MSI2: variants seen among roughly 807,000 people sequenced by gnomAD.
MSI2 encodes musashi RNA binding protein 2, also known as RNA-binding protein Musashi homolog 2.
In MSI2, 17 loss-of-function variants were observed where a neutral mutation model predicts 45.6. The observed-to-expected ratio is 0.37, with a 90% CI of 0.26 to 0.56. The LOEUF is 0.56. Ranked by LOEUF, MSI2 falls within the 20% of genes least tolerant of loss-of-function variation. The pLI is 0.77. For missense variants in MSI2, 293 were observed against 444.2 expected (o/e 0.66, Z 3.06); for synonymous variants, 156 against 158.2 (o/e 0.99, Z 0.11).
At chr17:57,584,515 A>G (rs540407058) in intron 7 of MSI2, among the ~76,000 whole-genome samples, 6 of 152,334 alleles carry the variant, frequency 3.9e-5, no homozygotes, top group African/African-American at 1.4e-4. Context: ...GCACCCAGCC[A>G]GGGCTCTGTC....
intron 7 of MSI2, among the ~76,000 whole-genome samples, chr17:57,565,372 T>C (rs2087703751): frequency 6.6e-6 from 1 of 152,196 alleles, no homozygotes; most frequent in Non-Finnish European, 1.5e-5. Flanking sequence ...CTGCCTGTAG[T>C]TTCTCAGTGC....
intron 7 of MSI2, among the ~76,000 whole-genome samples, chr17:57,548,933 C>G (rs2087239469): frequency 7.4e-6 from 1 of 135,002 alleles, no homozygotes; most frequent in Non-Finnish European, 1.6e-5. Flanking sequence ...AAAATCATCT[C>G]CCACTGAAAA....
chr17:57,671,142 A>G (rs1457435969), intron 11 of MSI2, among the ~76,000 whole-genome samples: 1 of 152,146 alleles, frequency 6.6e-6, no homozygotes, highest in Non-Finnish European at 1.5e-5. Flanking sequence ...GGAACCTGCC[A>G]TGGATGCTGC....
chr17:57,448,534 C>A (rs1272952124), intron 6 of MSI2: 1 of 152,236 alleles, frequency 6.6e-6, no homozygotes, highest in East Asian at 1.9e-4. Flanking sequence ...GCGTGGATTC[C>A]TGCTGTCCAG....
At chr17:57,332,795 G>A (rs1914375518) in intron 5 of MSI2, among the ~76,000 whole-genome samples, 1 of 152,220 alleles carries the variant, frequency 6.6e-6, no homozygotes, top group East Asian at 1.9e-4. Flanking sequence ...GGAGGCCAAG[G>A]CGGGTGGATC....
At position 57,386,297 on chromosome 17, in the gene MSI2, C is replaced by T. The variant is rs74414320; in HGVS notation, c.313-15082C>T. On this transcript the variant is annotated intron_variant, in intron 5 of 13. Transcript: ENST00000284073. ...AGTGGCTGCTGAACAGAACTTTGGC[C>T]AGCTGTTCTTCGTAGGAACAAAGCC... is the stretch of plus-strand genomic sequence containing the variant. Among the ~76,000 whole-genome samples the T allele has an allele frequency of 5.6e-4, 85 of 152,234 alleles. 1 individual carries two copies. The East Asian group carries it at 0.016, about 29-fold the overall frequency.
At chr17:57,391,704 C>T (rs940796189) in intron 5 of MSI2, among the ~76,000 whole-genome samples, 2 of 152,162 alleles carry the variant, frequency 1.3e-5, no homozygotes, top group African/African-American at 4.8e-5. Flanking sequence ...ACCAACCCCA[C>T]CATCCTGTCT....
chr17:57,283,885 G>T (rs1909637564), intron 5 of MSI2, among the ~76,000 whole-genome samples: 1 of 152,216 alleles, frequency 6.6e-6, no homozygotes. Context: ...GGACGCATGG[G>T]AAGCACTCAC....
At chr17:57,256,262 T>G (rs1390965688), upstream of MSI2, among the ~76,000 whole-genome samples, 1 of 151,212 alleles carries the variant, frequency 6.6e-6, no homozygotes, top group Non-Finnish European at 1.5e-5. Flanking sequence ...CCCTGCGCCC[T>G]GCCGGCCCGG....
intron 7 of MSI2, among the ~76,000 whole-genome samples, chr17:57,535,483 G>A (rs1301518008): frequency 6.6e-6 from 1 of 152,260 alleles, no homozygotes; most frequent in Admixed American, 6.5e-5. Context: ...ATTGCCAGAG[G>A]CAAAGGAACA....
intron 6 of MSI2, among the ~76,000 whole-genome samples, chr17:57,516,514 T>A (rs2086473120): frequency 6.6e-6 from 1 of 152,196 alleles, no homozygotes; most frequent in African/African-American, 2.4e-5. Context: ...ACCTCACTCA[T>A]CCGTACTGAT....
In MSI2 at chr17:57,511,071, T is replaced by C. The variant is rs569673648; in HGVS notation, c.406-18605T>C. On this transcript the variant is annotated intron_variant, in intron 6 of 13. Transcript: ENST00000284073. Reference sequence around the variant, plus strand: ...GTCAGTCTTGACCCTTTGGAGGAGGTCACCACCACATCCAGGCAGGGACAG... The same window carrying C: ...GTCAGTCTTGACCCTTTGGAGGAGGCCACCACCACATCCAGGCAGGGACAG... 1.9e-3 allele frequency among the ~76,000 whole-genome samples: 291 copies of C among 152,100 alleles called. 1 individual carries two copies. The highest frequency in any genetic ancestry group is 3.3e-3 in the Non-Finnish European group (226 of 67,992).
chr17:57,412,028 T>G (rs1029918230), intron 6 of MSI2, among the ~76,000 whole-genome samples: 7 of 151,300 alleles, frequency 4.6e-5, no homozygotes, highest in African/African-American at 1.7e-4. Flanking sequence ...GGGGGAAGAA[T>G]TACTATGGTA....
At chr17:57,432,034 C>T (rs182941189) in intron 6 of MSI2, among the ~76,000 whole-genome samples, 20 of 152,324 alleles carry the variant, frequency 1.3e-4, no homozygotes, top group Non-Finnish European at 1.5e-5. Context: ...CTCCCCTCAA[C>T]ACGTTCAGCC....
chr17:57,564,617 A>G (rs2087683512), intron 7 of MSI2, among the ~76,000 whole-genome samples: 1 of 152,188 alleles, frequency 6.6e-6, no homozygotes, highest in Non-Finnish European at 1.5e-5. Flanking sequence ...CAGCCCTAAT[A>G]GGAGACTATT....
chr17:57,434,781 AT>A (rs60454598), intron 6 of MSI2, among the ~76,000 whole-genome samples: 33,429 of 150,588 alleles, frequency 0.22, 4,013 homozygotes, highest in South Asian at 0.3. Flanking sequence ...TATACACCAC[AT>A]TTTTTTTTTA....
intron 5 of MSI2, among the ~76,000 whole-genome samples, chr17:57,334,207 A>G (rs1397782844): frequency 2.0e-5 from 3 of 152,212 alleles, no homozygotes; most frequent in African/African-American, 7.2e-5. Context: ...AGGTTTAGAA[A>G]AAGCCCCCTC....
At chr17:57,337,592 T>C (rs1187702256) in intron 5 of MSI2, among the ~76,000 whole-genome samples, 6 of 152,150 alleles carry the variant, frequency 3.9e-5, no homozygotes, top group African/African-American at 1.4e-4. Flanking sequence ...CTGTCGTGTT[T>C]ACCACCTTGG....
intron 6 of MSI2, among the ~76,000 whole-genome samples, chr17:57,502,602 G>GATAGATATATATATATATATATATAT (rs1190802566): frequency 1.8e-5 from 1 of 54,412 alleles, no homozygotes; most frequent in African/African-American, 5.8e-5. Context: ...ATGACTCTGA[G>GATAGATATATATATATATATATATAT]ATATATATAT....
Sources: gnomAD v4.1 joint callset for allele counts (sites outside exome capture counted in the v4.1 genomes callset) on GRCh38, gnomAD v4.1.1 for gene constraint, MANE v1.5 for transcripts, NCBI Gene and HGNC (gene_info 2026-07-23, HGNC 2026-07-21) for gene names.